TMEM232: variants seen among roughly 807,000 people sequenced by gnomAD.
TMEM232 encodes transmembrane protein 232.
Under a neutral mutation model 78.8 loss-of-function variants are expected in TMEM232, and 80 were observed. The observed-to-expected ratio is 1.01, with a 90% CI of 0.85 to 1.22. The LOEUF is 1.22. Ranked by LOEUF, TMEM232 falls within the 50% of genes most tolerant of loss-of-function variation. The probability of loss-of-function intolerance (pLI) is 0.00; values close to 1 mark genes in which losing one functional copy is unlikely to be tolerated. For missense variants in TMEM232, 881 were observed against 742.2 expected (o/e 1.19, Z -2.17); for synonymous variants, 297 against 254.3 (o/e 1.17, Z -1.60).
intron 1 of TMEM232, among the ~76,000 whole-genome samples, chr5:110,696,017 C>T (rs533170909): frequency 1.3e-5 from 2 of 152,162 alleles, no homozygotes; most frequent in African/African-American, 4.8e-5. Context: ...GAATTTTAGA[C>T]CAATATTCCT....
intron 12 of TMEM232, among the ~76,000 whole-genome samples, chr5:110,515,923 T>G (rs781584024): frequency 3.3e-5 from 5 of 152,190 alleles, no homozygotes; most frequent in African/African-American, 7.2e-5. Context: ...TTCCAGGTGC[T>G]AGTTTGATGA....
intron 13 of TMEM232, among the ~76,000 whole-genome samples, chr5:110,423,859 TTCTAGATA>T (rs1411318796): frequency 6.6e-6 from 1 of 152,002 alleles, no homozygotes; most frequent in Non-Finnish European, 1.5e-5. Context: ...TCATAATCTC[TTCTAGATA>T]ATTTAGTTGA....
chr5:110,428,215 A>G (rs1233387449), intron 12 of TMEM232, among the ~76,000 whole-genome samples: 1 of 151,824 alleles, frequency 6.6e-6, no homozygotes, highest in Non-Finnish European at 1.5e-5. Flanking sequence ...GCTTAAGGAC[A>G]TGTTTTATAA....
At chr5:110,510,284 A>C (rs1020552616) in intron 12 of TMEM232, among the ~76,000 whole-genome samples, 1 of 152,096 alleles carries the variant, frequency 6.6e-6, no homozygotes, top group African/African-American at 2.4e-5. Flanking sequence ...CCAAACCCAC[A>C]ATCTTTTCCT....
intron 12 of TMEM232, among the ~76,000 whole-genome samples, chr5:110,476,643 ATTAAG>A (rs1254098092): frequency 3.3e-5 from 5 of 152,044 alleles, no homozygotes; most frequent in African/African-American, 4.8e-5. Flanking sequence ...CATACAAAGA[ATTAAG>A]TTGACAGTGG....
chr5:110,459,470 G>A (rs970286271), intron 12 of TMEM232, among the ~76,000 whole-genome samples: 1 of 151,900 alleles, frequency 6.6e-6, no homozygotes, highest in Non-Finnish European at 1.5e-5. Flanking sequence ...TATTATGAGA[G>A]CATGCCTATA....
intron 1 of TMEM232, among the ~76,000 whole-genome samples, chr5:110,704,227 G>C (rs2150286722): frequency 6.6e-6 from 1 of 152,208 alleles, no homozygotes; most frequent in South Asian, 2.1e-4. Context: ...CCTGAACTTT[G>C]TTGGAGAGAA....
rs1046152788 is a variant in TMEM232, at chr5:110,413,653, T to G, written n.308+11170A>C. Among the ~76,000 whole-genome samples the G allele has an allele frequency of 7.2e-5, 11 of 152,206 alleles. No homozygotes were observed. The East Asian group carries it at 2.1e-3, about 29-fold the overall frequency. On this transcript the variant is annotated intron_variant and non_coding_transcript_variant, in intron 2 of 8. Coordinates refer to the TMEM232 transcript ENST00000507188. ...GCTCTGCAGGATTCTTTGCCTTTCT[T>G]TGAGCATTCTAAACTCACTCCCATT...
chr5:110,599,689 G>A (rs564044173), intron 10 of TMEM232, among the ~76,000 whole-genome samples: 32 of 152,074 alleles, frequency 2.1e-4, no homozygotes, highest in Non-Finnish European at 3.4e-4. Flanking sequence ...CACCTACAAA[G>A]AGATATAGAC....
At chr5:110,573,750 G>C (rs189995712) in intron 10 of TMEM232, among the ~76,000 whole-genome samples, 1 of 152,086 alleles carries the variant, frequency 6.6e-6, no homozygotes, top group Non-Finnish European at 1.5e-5. Flanking sequence ...CTAAGATCTA[G>C]CTGATGAAGA....
At chr5:110,644,393 A>C (rs1388072581) in intron 2 of TMEM232, among the ~76,000 whole-genome samples, 4 of 151,888 alleles carry the variant, frequency 2.6e-5, no homozygotes, top group Non-Finnish European at 5.9e-5. Context: ...GTTTTTAAAA[A>C]TATGAAAATA....
rs116142036 is a variant in TMEM232, at chr5:110,595,023, C to T, written c.1276+10086G>A. Among the ~76,000 whole-genome samples, 918 of 152,262 alleles carry T rather than the reference C, an allele frequency of 6.0e-3. 8 individuals carry two copies. The highest frequency in any genetic ancestry group is 0.037 in the East Asian group (189 of 5,140). The stretch of plus-strand genomic sequence containing the variant: ...TCAACAGACACCTCACACAGGAGAG[C>T]TCCGGCTGGCATCAGGCAGGTACCC... On this transcript the variant is annotated intron_variant, in intron 10 of 13. Coordinates refer to ENST00000455884, the MANE Select transcript of TMEM232 (RefSeq NM_001039763.4).
chr5:110,606,702 C>T (rs755656912), intron 8 of TMEM232, among the ~76,000 whole-genome samples: 63 of 151,816 alleles, frequency 4.1e-4, no homozygotes, highest in Non-Finnish European at 7.7e-4. Context: ...TTTTTAAAAA[C>T]GGCCTTCTTC....
chr5:110,663,773 G>GTGTA (rs901599364), intron 2 of TMEM232, among the ~76,000 whole-genome samples: 5 of 147,418 alleles, frequency 3.4e-5, no homozygotes, highest in African/African-American at 5.0e-5. Flanking sequence ...GTGTGTGTGT[G>GTGTA]TATATACAAT....
At chr5:110,586,095 G>T (rs2149747418) in intron 10 of TMEM232, among the ~76,000 whole-genome samples, 1 of 152,224 alleles carries the variant, frequency 6.6e-6, no homozygotes, top group South Asian at 2.1e-4. Context: ...TTTAAAATTG[G>T]TCCATTTATG....
At chr5:110,463,316 C>A (rs2149358850) in intron 12 of TMEM232, among the ~76,000 whole-genome samples, 1 of 152,290 alleles carries the variant, frequency 6.6e-6, no homozygotes, top group African/African-American at 2.4e-5. Context: ...AACTAAATAT[C>A]TTCAAATTAA....
At chr5:110,481,978 A>C (rs1763918131) in intron 12 of TMEM232, among the ~76,000 whole-genome samples, 1 of 152,216 alleles carries the variant, frequency 6.6e-6, no homozygotes, top group Non-Finnish European at 1.5e-5. Flanking sequence ...ATAAGAACCA[A>C]GATTTATTAC....
chr5:110,533,695 C>T (rs1771895281), intron 11 of TMEM232, among the ~76,000 whole-genome samples: 1 of 152,168 alleles, frequency 6.6e-6, no homozygotes, highest in African/African-American at 2.4e-5. Flanking sequence ...TCTGGCCTCC[C>T]ACATTATTCC....
At chr5:110,475,348 C>T (rs1763128844) in intron 12 of TMEM232, among the ~76,000 whole-genome samples, 1 of 150,560 alleles carries the variant, frequency 6.6e-6, no homozygotes, top group African/African-American at 2.4e-5. Flanking sequence ...GCCTATGGAA[C>T]ACCATATATA....
Sources: gnomAD v4.1 joint callset for allele counts (sites outside exome capture counted in the v4.1 genomes callset) on GRCh38, gnomAD v4.1.1 for gene constraint, MANE v1.5 for transcripts, NCBI Gene and HGNC (gene_info 2026-07-23, HGNC 2026-07-21) for gene names.